The following PDE6A variants were observed in gnomAD, a reference collection of about 807,000 sequenced individuals.
The protein encoded by PDE6A is rod cGMP-specific 3',5'-cyclic phosphodiesterase subunit alpha.
A neutral mutation model predicts 106.3 loss-of-function variants in PDE6A; 84 were observed. That is an observed-to-expected ratio of 0.79 (90% CI 0.66 to 0.95). The LOEUF is 0.95. PDE6A is among the 40% of genes least tolerant of loss of function. PDE6A has a pLI of 0.00. For synonymous variants in PDE6A, 394 were observed against 386.6 expected (o/e 1.02, Z -0.23); for missense variants, 1,052 against 1,084.9 (o/e 0.97, Z 0.43).
At chr5:149,913,913 G>A (rs1458901816) in intron 6 of PDE6A, among the ~76,000 whole-genome samples, 1 of 152,196 alleles carries the variant, frequency 6.6e-6, no homozygotes, top group African/African-American at 2.4e-5. Flanking sequence ...CCTAGATGCA[G>A]GACTGAGAGC....
chr5:149,909,737 T>C (rs2113619874), intron 6 of PDE6A, among the ~76,000 whole-genome samples: 1 of 152,268 alleles, frequency 6.6e-6, no homozygotes, highest in East Asian at 1.9e-4. Context: ...ATCACACAGG[T>C]TTTTTATTTT....
At chr5:149,937,470 T>C (rs1754216216) in intron 1 of PDE6A, among the ~76,000 whole-genome samples, 1 of 152,156 alleles carries the variant, frequency 6.6e-6, no homozygotes. Flanking sequence ...CTCGACCTCC[T>C]GAGCTCAAGC....
intron 17 of PDE6A, among the ~76,000 whole-genome samples, chr5:149,868,837 A>G (rs1219075504): frequency 6.6e-6 from 1 of 152,214 alleles, no homozygotes. Context: ...GAGGCAATAT[A>G]CTCCATTTTT....
chr5:149,922,400 C>T (rs1753750287), intron 4 of PDE6A, among the ~76,000 whole-genome samples: 1 of 152,104 alleles, frequency 6.6e-6, no homozygotes, highest in African/African-American at 2.4e-5. Flanking sequence ...CAACCTCCAC[C>T]TCCCGGGTTC....
intron 7 of PDE6A, among the ~76,000 whole-genome samples, chr5:149,905,545 C>T (rs926791086): frequency 1.3e-5 from 2 of 152,204 alleles, no homozygotes; most frequent in Non-Finnish European, 2.9e-5. Flanking sequence ...TGACTCCTCT[C>T]TTCCCCATTC....
At chr5:149,895,402 T>A in intron 12 of PDE6A, 112 bp from the exon 13 acceptor site, 1 of 766,452 alleles carries the variant, frequency 1.3e-6, no homozygotes, top group Non-Finnish European at 2.3e-6. Context: ...TTTTGAGGTT[T>A]GAGGTACTCT....
intron 7 of PDE6A, among the ~76,000 whole-genome samples, chr5:149,906,424 G>A (rs913048528): frequency 2.0e-5 from 3 of 148,346 alleles, no homozygotes; most frequent in Non-Finnish European, 4.4e-5. Flanking sequence ...TATTCGGGTG[G>A]CTGAGGCATG....
intron 4 of PDE6A, among the ~76,000 whole-genome samples, chr5:149,928,232 T>TATATATA (rs1554091941): frequency 1.8e-4 from 2 of 11,354 alleles, no homozygotes; most frequent in Admixed American, 8.2e-4. Context: ...TATATATATA[T>TATATATA]TTTTTTTTTT....
intron 17 of PDE6A, among the ~76,000 whole-genome samples, chr5:149,869,407 A>C (rs1760454018): frequency 6.6e-6 from 1 of 152,102 alleles, no homozygotes; most frequent in Non-Finnish European, 1.5e-5. Context: ...TAAACTCTTA[A>C]GGGAGTGTCC....
At chr5:149,904,867 C>A (rs1418699190) in intron 7 of PDE6A, among the ~76,000 whole-genome samples, 1 of 152,126 alleles carries the variant, frequency 6.6e-6, no homozygotes, top group Non-Finnish European at 1.5e-5. Flanking sequence ...TGAAATCCTT[C>A]CTGCATCCAT....
rs764213860 is a variant in PDE6A at position 149,914,992 on chromosome 5, T to C, written c.949A>G (p.Lys317Glu). The change falls in exon 6 of 22, where the codon AAG becomes GAG. Residue 317 changes from lysine (K) to glutamate (E), a missense_variant. Transcript: ENST00000255266. ...TPDGREINFY[K>E]VIDYILHGKE... ...CCATGCAGGATGTAGTCAATGACCT[T>C]GTAAAAGTTAATTTCCTGGCAAAAG... The C allele has an allele frequency of 4.4e-6, 7 of 1,603,160 alleles. No individual in the cohort carries two copies. Among genetic ancestry groups the C allele is most frequent in the African/African-American group, 1.3e-5 (1 of 74,616 alleles).
chr5:149,884,754 C>T, intron 15 of PDE6A, 26 bp downstream of exon 15: 1 of 1,601,180 alleles, frequency 6.2e-7, no homozygotes, highest in East Asian at 2.2e-5. Context: ...GCCCCGCGGC[C>T]TGTAGACCCT....
intron 13 of PDE6A, among the ~76,000 whole-genome samples, chr5:149,893,144 C>T (rs901330965): frequency 3.9e-5 from 6 of 152,198 alleles, no homozygotes; most frequent in African/African-American, 1.4e-4. Flanking sequence ...ACAACCAGAT[C>T]TTTCATGATC....
Position 149,903,831 on chromosome 5 carries a change from C to T in PDE6A, c.1066-136G>A, listed in dbSNP as rs113825720. On this transcript the variant is annotated intron_variant, in intron 7 of 21. Transcript: ENST00000255266. ...ATTCTTTTCATCAGGTAGACATAGT[C>T]GAGACAGTTTTCAATTATTCACTGA... The T allele has an allele frequency of 4.5e-4, 356 of 793,318 alleles. 2 individuals carry two copies. The African/African-American group carries it at 4.9e-3, about 11-fold the overall frequency. The allele number at this position is 793,318 out of a possible 1,614,324, so 49.1% of individuals were successfully genotyped here.
intron 20 of PDE6A, among the ~76,000 whole-genome samples, chr5:149,865,264 G>A (rs1240581362): frequency 7.1e-6 from 1 of 141,814 alleles, no homozygotes; most frequent in Non-Finnish European, 1.5e-5. Context: ...AAAAAATTTA[G>A]CTGGATGTGG....
At chr5:149,923,268 C>A (rs1030522236) in intron 4 of PDE6A, among the ~76,000 whole-genome samples, 7 of 152,038 alleles carry the variant, frequency 4.6e-5, no homozygotes, top group African/African-American at 1.2e-4. Flanking sequence ...GAGGCTGAGG[C>A]GGATGGATCA....
In PDE6A at chr5:149,896,426, T is replaced by C. The variant is rs1251834877; in HGVS notation, c.1550A>G (p.Glu517Gly). The C allele has an allele frequency of 6.2e-7, 1 of 1,614,098 alleles. No individual in the cohort carries two copies. The highest frequency in any genetic ancestry group is 1.7e-5 in the Admixed American group (1 of 60,026). The change falls in exon 12 of 22, where the codon GAG (glutamate) becomes GGG (glycine). Residue 517 changes from glutamate (E) to glycine (G), a missense_variant. Physicochemically the swap from Glu to Gly is moderately conservative, Grantham distance 98. Coordinates refer to ENST00000255266, the MANE Select transcript of PDE6A (RefSeq NM_000440.3). The stretch of plus-strand genomic sequence containing the variant: ...CATCTGTATTCCACATTTTACCAGC[T>C]CCAGTTCTGTTAGGGGTAAGTCACT... ...HFSDLPLTEL[E>G]LVKCGIQMYY...
chr5:149,909,606 AT>A (rs1477267258), intron 6 of PDE6A, among the ~76,000 whole-genome samples: 1 of 152,064 alleles, frequency 6.6e-6, no homozygotes, highest in Non-Finnish European at 1.5e-5. Flanking sequence ...TGTGACACCT[AT>A]TTTCAGTTGA....
At chr5:149,898,281 G>A (rs571872846) in intron 10 of PDE6A, 82 bp downstream of exon 10, 7 of 1,289,444 alleles carry the variant, frequency 5.4e-6, no homozygotes, top group South Asian at 3.6e-5. Context: ...CCCTCATGGA[G>A]TTGCAAGTTT....
Sources: gnomAD v4.1 joint callset for allele counts (sites outside exome capture counted in the v4.1 genomes callset) on GRCh38, gnomAD v4.1.1 for gene constraint, MANE v1.5 for transcripts, NCBI Gene and HGNC (gene_info 2026-07-23, HGNC 2026-07-21) for gene names.